The following CIT variants were observed in gnomAD, a reference collection of about 807,000 sequenced individuals.
CIT encodes the protein citron rho-interacting serine/threonine kinase.
In CIT, 79 loss-of-function variants were observed where a neutral mutation model predicts 272.7. That is an observed-to-expected ratio of 0.29 (90% CI 0.24 to 0.35). CIT has a LOEUF of 0.35. CIT is among the 10% of genes least tolerant of loss of function. The pLI is 1.00. For missense variants in CIT, 1,909 were observed against 2,618.3 expected, an observed-to-expected ratio of 0.73 and a Z score of 5.91; for synonymous variants, 948 against 995.6, an observed-to-expected ratio of 0.95 and a Z score of 0.90.
chr12:119,848,456 A>T (rs75496389), intron 5 of CIT, among the ~76,000 whole-genome samples: 1,638 of 152,278 alleles, frequency 0.011, 32 homozygotes, highest in African/African-American at 0.037. Context: ...CAGGAACAAA[A>T]ATTGTTTCCA....
intron 4 of CIT, among the ~76,000 whole-genome samples, chr12:119,853,666 G>A (rs1970381787): frequency 6.6e-6 from 1 of 151,994 alleles, no homozygotes; most frequent in Non-Finnish European, 1.5e-5. Flanking sequence ...ACACTACCAG[G>A]GATAAATCTA....
At chr12:119,746,426 C>T (rs1410708567) in intron 23 of CIT, among the ~76,000 whole-genome samples, 1 of 152,184 alleles carries the variant, frequency 6.6e-6, no homozygotes, top group African/African-American at 2.4e-5. Context: ...ATTTGCCAGT[C>T]TCTGCTCTAA....
chr12:119,690,311 C>G lies in CIT; in HGVS notation c.6026G>C (p.Arg2009Pro). The change falls in exon 47 of 48, where the codon CGC (arginine) becomes CCC (proline). Residue 2009 changes from arginine (R) to proline (P), a missense_variant. Transcript: ENST00000392521. The surrounding 1 kb of genome is among the most constrained non-coding windows in gnomAD (Gnocchi z 6.0). ...GGGGCGGCCAGGAGACTTGTCCCTGCGCAGCTCGGTCCGCCCCTCGCGGTA... is the reference window on the plus strand; with the variant it reads ...GGGGCGGCCAGGAGACTTGTCCCTGGGCAGCTCGGTCCGCCCCTCGCGGTA... ...HRYREGRTELRRDKSPGRPLE... is the reference protein window; with the variant it reads ...HRYREGRTELPRDKSPGRPLE... 6.3e-7 allele frequency: 1 copy of G among 1,594,342 alleles called. No homozygotes were observed. The highest frequency in any genetic ancestry group is 8.5e-7 in the Non-Finnish European group (1 of 1,177,344).
intron 17 of CIT, among the ~76,000 whole-genome samples, chr12:119,772,056 C>T (rs1963218277): frequency 6.6e-6 from 1 of 151,880 alleles, no homozygotes; most frequent in African/African-American, 2.4e-5. Context: ...GTGAGGATGG[C>T]CCAAAAGAGA....
intron 2 of CIT, 23 bp from the exon 3 acceptor site, chr12:119,869,224 G>A: frequency 6.3e-7 from 1 of 1,580,804 alleles, no homozygotes. Flanking sequence ...AACAGCAGAT[G>A]GAGACACTGT....
At chr12:119,795,534 G>A (rs1025751974) in intron 10 of CIT, among the ~76,000 whole-genome samples, 1 of 152,142 alleles carries the variant, frequency 6.6e-6, no homozygotes, top group African/African-American at 2.4e-5. Context: ...GTCTACATGA[G>A]AATGCTTGTC....
In CIT at chr12:119,712,383, A is replaced by T. The variant is rs1317846986; in HGVS notation, c.4685-36T>A. On this transcript the variant is annotated intron_variant, in intron 36 of 47. Coordinates refer to ENST00000392521, the MANE Select transcript of CIT (RefSeq NM_001206999.2). The surrounding 1 kb of genome is among the most constrained non-coding windows in gnomAD (Gnocchi z 5.2). Reference sequence around the variant, plus strand: ...TCAGAGAGCACAGGATTGGGTGTGGATTTCCCCCGTTCCCACTGGGAGGGA... The same window carrying T: ...TCAGAGAGCACAGGATTGGGTGTGGTTTTCCCCCGTTCCCACTGGGAGGGA... 6.3e-7 allele frequency: 1 copy of T among 1,579,178 alleles called. No homozygotes were observed. The highest frequency in any genetic ancestry group is 1.8e-5 in the Admixed American group (1 of 56,690).
At chr12:119,820,657 C>A (rs550678843) in intron 9 of CIT, among the ~76,000 whole-genome samples, 13 of 151,948 alleles carry the variant, frequency 8.6e-5, no homozygotes, top group Non-Finnish European at 1.6e-4. Context: ...AAATCTAATA[C>A]TATTCCAAAA....
chr12:119,876,540 A>G (rs1950852309), intron 1 of CIT, among the ~76,000 whole-genome samples: 1 of 152,226 alleles, frequency 6.6e-6, no homozygotes, highest in Admixed American at 6.5e-5. Context: ...AGCAAAATAT[A>G]TAGCTTGTTG....
chr12:119,718,691 G>GC lies in CIT; in HGVS notation c.4003+7dup. The stretch of plus-strand genomic sequence containing the variant: ...TCCTTGAGCATTTTGGAGAGAGTGA[G>GC]CCCCTACCTTCCTCCCGGGCGGACC... On this transcript the variant is annotated splice_region_variant and intron_variant, in intron 31 of 47. Transcript: ENST00000392521. The surrounding 1 kb of genome is among the most constrained non-coding windows in gnomAD (Gnocchi z 4.8). 1 of 1,612,664 alleles carries GC rather than the reference G, an allele frequency of 6.2e-7. No individual in the cohort carries two copies.
At chr12:119,717,858 T>TTTTG (rs1347848913) in intron 32 of CIT, among the ~76,000 whole-genome samples, 3 of 141,978 alleles carry the variant, frequency 2.1e-5, no homozygotes, top group African/African-American at 7.9e-5. Context: ...TTTTTTTTTT[T>TTTTG]GAGATGGAGT....
At chr12:119,729,777 T>C (rs1021309480) in intron 27 of CIT, among the ~76,000 whole-genome samples, 1 of 152,192 alleles carries the variant, frequency 6.6e-6, no homozygotes, top group African/African-American at 2.4e-5. Flanking sequence ...ATAACAAAGT[T>C]ATAGAAAATA....
chr12:119,864,106 T>C (rs1027418090), intron 3 of CIT, among the ~76,000 whole-genome samples: 18 of 152,040 alleles, frequency 1.2e-4, no homozygotes, highest in Admixed American at 5.2e-4. Flanking sequence ...AACATTGTAT[T>C]GTGTATTGTT....
chr12:119,770,778 T>C lies in CIT; in HGVS notation c.2208+7A>G. The stretch of plus-strand genomic sequence containing the variant: ...CTTTTAACTTTGCGACTTTCATTCC[T>C]GCTCACCAGAATTTTATCAGCCATC... On this transcript the variant is annotated splice_region_variant and intron_variant, in intron 18 of 47. Coordinates refer to ENST00000392521, the MANE Select transcript of CIT (RefSeq NM_001206999.2). This position sits in a 1 kb window ranked among gnomAD's most constrained non-coding sequence, Gnocchi z 4.4. 6.2e-7 allele frequency: 1 copy of C among 1,612,884 alleles called. No individual in the cohort carries two copies. Among genetic ancestry groups the C allele is most frequent in the Non-Finnish European group, 8.5e-7 (1 of 1,179,880 alleles).
chr12:119,829,702 T>C (rs1280771053), intron 7 of CIT, among the ~76,000 whole-genome samples: 5 of 152,196 alleles, frequency 3.3e-5, no homozygotes, highest in African/African-American at 1.2e-4. Context: ...TCACCATTCT[T>C]TGAGATTCTA....
chr12:119,733,999 C>T (rs1260226254), intron 26 of CIT, among the ~76,000 whole-genome samples, 165 bp downstream of exon 26: 1 of 151,974 alleles, frequency 6.6e-6, no homozygotes, highest in Non-Finnish European at 1.5e-5. Context: ...GGTGACCACC[C>T]TATCCTGGTT....
rs374497773 is a variant in CIT at position 119,820,629 on chromosome 12, T to A, written c.1111+2191A>T. Among the ~76,000 whole-genome samples, 4 of 152,246 alleles carry A rather than the reference T, an allele frequency of 2.6e-5. No individual in the cohort carries two copies. The South Asian group carries it at 8.3e-4, about 32-fold the overall frequency. On this transcript the variant is annotated intron_variant, in intron 9 of 47. Coordinates refer to ENST00000392521, the MANE Select transcript of CIT (RefSeq NM_001206999.2). ...GGTATGTGGGAACTCTTCCATACTATCTTTGCAACTTTTCTATAAATCTAA... is the reference window on the plus strand; with the variant it reads ...GGTATGTGGGAACTCTTCCATACTAACTTTGCAACTTTTCTATAAATCTAA...
rs200024332 is a variant in CIT, at chr12:119,825,241, T to C, written c.881A>G (p.Tyr294Cys). 23 of 1,614,166 alleles carry C rather than the reference T, an allele frequency of 1.4e-5. No individual in the cohort carries two copies. The highest frequency in any genetic ancestry group is 1.7e-5 in the Non-Finnish European group (20 of 1,180,026). Residue 294 changes from tyrosine to cysteine, a missense_variant, in exon 8 of 48, where the codon TAT (tyrosine) becomes TGT (cysteine). This residue lies in a region of CIT where 529 missense variants were observed against 549.6 expected (regional missense o/e 0.96). Coordinates refer to ENST00000392521, the MANE Select transcript of CIT (RefSeq NM_001206999.2). ...CDWWSVGVIA[Y>C]EMIYGRSPFA... ...GGGGGATCTCCCATAAATCATCTCA[T>C]AGGCAATCACGCCCACTGACCACCA... is the stretch of plus-strand genomic sequence containing the variant.
chr12:119,777,113 G>A (rs1963826689), intron 13 of CIT, among the ~76,000 whole-genome samples: 1 of 152,108 alleles, frequency 6.6e-6, no homozygotes. Flanking sequence ...AAATTAGCTG[G>A]GTGTGGTGGT....
Sources: gnomAD v4.1 joint callset for allele counts (sites outside exome capture counted in the v4.1 genomes callset) on GRCh38, gnomAD v4.1.1 for gene constraint, gnomAD v4.1.1 regional missense constraint, Gnocchi (gnomAD v3.1) non-coding constraint, MANE v1.5 for transcripts, NCBI Gene and HGNC (gene_info 2026-07-23, HGNC 2026-07-21) for gene names.